Variants in LDB2 observed in about 807,000 individuals in gnomAD.
LDB2 encodes LIM domain-binding protein 2.
A neutral mutation model predicts 44.3 loss-of-function variants in LDB2; 12 were observed. That is an observed-to-expected ratio of 0.27 (90% CI 0.17 to 0.44). The LOEUF (loss-of-function observed/expected upper bound fraction) is 0.44, where lower values mean the gene tolerates loss of function less well. Among genes scored for constraint, LDB2 ranks in the 20% least tolerant of loss-of-function variants. LDB2 has a pLI of 1.00. For missense variants in LDB2, 344 were observed against 473.5 expected (o/e 0.73, Z 2.54); for synonymous variants, 164 against 174.8 (o/e 0.94, Z 0.49).
chr4:16,728,747 C>T (rs1008735887), intron 2 of LDB2, among the ~76,000 whole-genome samples: 15 of 152,098 alleles, frequency 9.9e-5, no homozygotes, highest in Admixed American at 3.3e-4. Context: ...GATCATATCA[C>T]GTATATCTTT....
At chr4:16,681,658 G>A (rs1451051496) in intron 2 of LDB2, among the ~76,000 whole-genome samples, 4 of 106,422 alleles carry the variant, frequency 3.8e-5, no homozygotes, top group East Asian at 2.9e-4. Flanking sequence ...ACAGAGTCTC[G>A]CTCTGTCACC....
chr4:16,520,823 C>T (rs1487209033), intron 5 of LDB2, among the ~76,000 whole-genome samples: 3 of 152,170 alleles, frequency 2.0e-5, no homozygotes, highest in Admixed American at 1.3e-4. Context: ...TCAGACTAGC[C>T]AAGCTCACGA....
At chr4:16,775,143 T>C (rs149987932) in intron 1 of LDB2, among the ~76,000 whole-genome samples, 1 of 152,298 alleles carries the variant, frequency 6.6e-6, no homozygotes, top group African/African-American at 2.4e-5. Context: ...GTCCCTCTGT[T>C]TCATTATTTA....
intron 1 of LDB2, among the ~76,000 whole-genome samples, chr4:16,834,256 A>G (rs544544328): frequency 1.3e-5 from 2 of 152,356 alleles, no homozygotes; most frequent in South Asian, 4.1e-4. Context: ...AAATGAATAA[A>G]CTTTGCAAGG....
At chr4:16,770,978 A>G (rs1328523932) in intron 1 of LDB2, among the ~76,000 whole-genome samples, 1 of 152,196 alleles carries the variant, frequency 6.6e-6, no homozygotes, top group Non-Finnish European at 1.5e-5. Context: ...AGCAAGTCGT[A>G]TATCTTGAGA....
intron 2 of LDB2, among the ~76,000 whole-genome samples, chr4:16,667,157 C>T (rs1198414181): frequency 6.6e-6 from 1 of 152,184 alleles, no homozygotes; most frequent in African/African-American, 2.4e-5. Context: ...GAATACTGCT[C>T]TTCCATCTCT....
At chr4:16,660,812 A>G (rs1481945037) in intron 2 of LDB2, among the ~76,000 whole-genome samples, 1 of 152,150 alleles carries the variant, frequency 6.6e-6, no homozygotes, top group African/African-American at 2.4e-5. Context: ...TAAGATTAGG[A>G]GTATCTGAGT....
At chr4:16,559,392 A>C (rs529570640) in intron 5 of LDB2, among the ~76,000 whole-genome samples, 75 of 149,158 alleles carry the variant, frequency 5.0e-4, no homozygotes, top group Non-Finnish European at 9.6e-4. Context: ...AATGGAAAAC[A>C]AAAAAAAGGC....
intron 5 of LDB2, among the ~76,000 whole-genome samples, chr4:16,524,791 A>G (rs930335600): frequency 5.9e-5 from 9 of 152,308 alleles, no homozygotes; most frequent in Non-Finnish European, 1.2e-4. Context: ...TGGTGAAACA[A>G]AGCACCAAAT....
chr4:16,574,460 A>G (rs1025774116), intron 5 of LDB2, among the ~76,000 whole-genome samples: 1 of 152,200 alleles, frequency 6.6e-6, no homozygotes, highest in Non-Finnish European at 1.5e-5. Context: ...TCTTGCCTGC[A>G]GCATCAGAAT....
chr4:16,589,395 G>A (rs1268972332), intron 3 of LDB2, among the ~76,000 whole-genome samples: 10 of 152,124 alleles, frequency 6.6e-5, no homozygotes, highest in Admixed American at 6.5e-4. Context: ...ATGGTGGAGA[G>A]TATTTTCCTT....
chr4:16,776,082 G>C (rs896243814), intron 1 of LDB2, among the ~76,000 whole-genome samples: 1 of 152,122 alleles, frequency 6.6e-6, no homozygotes, highest in Non-Finnish European at 1.5e-5. Flanking sequence ...AGAACTTTTC[G>C]CTTTCCCCCT....
intron 1 of LDB2, among the ~76,000 whole-genome samples, chr4:16,863,540 C>G (rs1480882162): frequency 6.6e-6 from 1 of 152,138 alleles, no homozygotes; most frequent in Non-Finnish European, 1.5e-5. Context: ...CTACATTTCC[C>G]AACCCCTCTG....
intron 5 of LDB2, 137 bp from the exon 6 acceptor site, chr4:16,512,241 G>A: frequency 1.2e-6 from 1 of 812,042 alleles, no homozygotes. Flanking sequence ...TTATATAAAT[G>A]TGAGGAAAAA....
At chr4:16,883,096 C>T (rs149828001) in intron 1 of LDB2, among the ~76,000 whole-genome samples, 64 of 152,318 alleles carry the variant, frequency 4.2e-4, no homozygotes, top group African/African-American at 1.4e-3. Context: ...TGAGGCAAAA[C>T]ATGGTCCTCT....
chr4:16,602,493 G>C (rs992879300), intron 2 of LDB2, among the ~76,000 whole-genome samples: 1 of 152,188 alleles, frequency 6.6e-6, no homozygotes, highest in African/African-American at 2.4e-5. Flanking sequence ...GTCACAGAAA[G>C]AGGCAGGGTC....
chr4:16,816,172 T>C (rs1780853601), intron 1 of LDB2, among the ~76,000 whole-genome samples: 1 of 151,948 alleles, frequency 6.6e-6, no homozygotes, highest in African/African-American at 2.4e-5. Flanking sequence ...GCCATGGCAC[T>C]CCAGCCTGGG....
intron 2 of LDB2, among the ~76,000 whole-genome samples, chr4:16,674,817 A>T (rs963447326): frequency 6.6e-6 from 1 of 151,560 alleles, no homozygotes; most frequent in Non-Finnish European, 1.5e-5. Flanking sequence ...ATATACACAG[A>T]CACACACACA....
At chr4:16,585,841 A>T in intron 5 of LDB2, 81 bp downstream of exon 5, 1 of 1,021,082 alleles carries the variant, frequency 9.8e-7, no homozygotes, top group Non-Finnish European at 1.5e-6. Flanking sequence ...CCTCATTTTA[A>T]CTTCTTGGTT....
Sources: allele counts gnomAD v4.1 joint callset (sites outside exome capture counted in the v4.1 genomes callset), GRCh38; gene constraint gnomAD v4.1.1; transcripts MANE v1.5; gene names NCBI Gene and HGNC (gene_info 2026-07-23, HGNC 2026-07-21).